Variants in BPTF observed in about 807,000 individuals in gnomAD.
BPTF encodes the protein bromodomain PHD finger transcription factor.
BPTF carries 18 observed loss-of-function variants against 292.5 expected under a neutral mutation model. The observed-to-expected ratio is 0.06, with a 90% CI of 0.04 to 0.09. The LOEUF is 0.09. Ranked by LOEUF, BPTF falls within the 10% of genes least tolerant of loss-of-function variation. The pLI is 1.00. For synonymous variants in BPTF, 1,225 were observed against 1,251.9 expected, an observed-to-expected ratio of 0.98 and a Z score of 0.45; for missense variants, 2,726 against 3,498.7, an observed-to-expected ratio of 0.78 and a Z score of 5.57.
intron 4 of BPTF, among the ~76,000 whole-genome samples, chr17:67,877,127 GTAGA>G (rs1372577679): frequency 1.3e-5 from 2 of 152,158 alleles, no homozygotes; most frequent in African/African-American, 4.8e-5. Flanking sequence ...CTTTTGTAAA[GTAGA>G]TAAACATTTT....
rs2062634482 is a variant in BPTF at position 67,911,275 on chromosome 17, G to C, written c.3391G>C (p.Asp1131His). ...RQEQSPNANN[D>H]QPEDLIQGCS... ...AGAACAGAGCCCAAATGCAAATAAT[G>C]ATCAACCTGAGGACTTGATTCAGGG... Residue 1131 changes from aspartate (D) to histidine (H), a missense_variant, in exon 11 of 28, where the codon GAT becomes CAT. Coordinates refer to ENST00000306378, the MANE Select transcript of BPTF (RefSeq NM_182641.4). The C allele has an allele frequency of 2.5e-6, 4 of 1,614,030 alleles. No homozygotes were observed. Among genetic ancestry groups the C allele is most frequent in the South Asian group, 1.1e-5 (1 of 91,072 alleles).
rs1175702525 is a variant in BPTF, at chr17:67,982,985, A to G, written c.*697A>G. On this transcript the variant is annotated 3_prime_UTR_variant, in exon 28 of 28. Coordinates refer to ENST00000306378, the MANE Select transcript of BPTF (RefSeq NM_182641.4). ...GACTACAGACTCTGTTGCCTTGAAT[A>G]TAACAGTACAATTTGTCAATTACTC... 3 of 152,384 alleles carry G rather than the reference A, an allele frequency of 2.0e-5. No individual in the cohort carries two copies. Among genetic ancestry groups the G allele is most frequent in the Non-Finnish European group, 2.9e-5 (2 of 68,036 alleles). The allele number at this position is 152,384 out of a possible 1,614,324, so 9.4% of individuals were successfully genotyped here.
At chr17:67,884,610 T>G (rs1332037813) in intron 4 of BPTF, among the ~76,000 whole-genome samples, 3 of 152,018 alleles carry the variant, frequency 2.0e-5, no homozygotes, top group African/African-American at 7.2e-5. Flanking sequence ...GTGATGGAGT[T>G]TCACCGTGTT....
At chr17:67,981,327 C>T (rs2070328723) in intron 27 of BPTF, 2 of 248,664 alleles carry the variant, frequency 8.0e-6, no homozygotes, top group Non-Finnish European at 1.4e-5. Flanking sequence ...ATTTCCTTTG[C>T]CATATTTTCC....
rs191074955 is a variant in BPTF at position 67,865,512 on chromosome 17, T to A, written c.1437-952T>A. On this transcript the variant is annotated intron_variant, in intron 2 of 27. Transcript: ENST00000306378. ...TTAGAGACTCAGAGAGGCTGTGTCT[T>A]GTCCATGTCCACATATCTTACAAGC... Among the ~76,000 whole-genome samples the A allele has an allele frequency of 7.3e-4, 111 of 152,328 alleles. 1 individual carries two copies. The East Asian group carries it at 0.012, about 16-fold the overall frequency.
intron 15 of BPTF, among the ~76,000 whole-genome samples, chr17:67,927,756 T>C (rs1021990532): frequency 6.6e-6 from 1 of 152,224 alleles, no homozygotes; most frequent in Non-Finnish European, 1.5e-5. Context: ...TAAAATTTTC[T>C]GCTATGAACA....
intron 27 of BPTF, among the ~76,000 whole-genome samples, chr17:67,976,716 T>TAAAAA (rs2069516914): frequency 7.8e-6 from 1 of 128,490 alleles, no homozygotes; most frequent in Non-Finnish European, 1.6e-5. Flanking sequence ...AAAAAAAAAA[T>TAAAAA]AAGAATAAAA....
At position 67,911,474 on chromosome 17, in the gene BPTF, C is replaced by G. The variant is rs201807939; in HGVS notation, c.3590C>G (p.Ala1197Gly). 1 of 1,613,978 alleles carries G rather than the reference C, an allele frequency of 6.2e-7. No homozygotes were observed. The highest frequency in any genetic ancestry group is 8.5e-7 in the Non-Finnish European group (1 of 1,179,982). ...NDIEEKVSDL[A>G]SRGQEPSKSK... is the part of the protein sequence containing the mutation. ...ATAGAAGAAAAAGTCTCTGACCTTG[C>G]CAGTAGAGGCCAGGAACCCAGTAAG... Residue 1197 changes from alanine to glycine, a missense_variant, in exon 11 of 28, where the codon GCC becomes GGC. By Grantham distance (60) the Ala-to-Gly change is moderately conservative. Around this residue, in one of 22 missense-constraint regions of BPTF, gnomAD observed 713 missense variants for 714.9 expected, o/e 1.00. Transcript: ENST00000306378.
intron 1 of BPTF, among the ~76,000 whole-genome samples, chr17:67,844,392 C>T (rs1359609377): frequency 1.6e-4 from 24 of 151,680 alleles, no homozygotes; most frequent in East Asian, 3.9e-4. Context: ...GGACTACAGG[C>T]GCCCGCCACC....
chr17:67,946,120 T>C lies in BPTF; in HGVS notation c.7412T>C (p.Leu2471Ser). 1 of 1,614,154 alleles carries C rather than the reference T, an allele frequency of 6.2e-7. No homozygotes were observed. Among genetic ancestry groups the C allele is most frequent in the South Asian group, 1.1e-5 (1 of 91,082 alleles). ...SGVPQQIKLQ[L>S]PIQIQQSSAV... The stretch of plus-strand genomic sequence containing the variant: ...GTGCCCCAGCAAATCAAACTCCAGT[T>C]ACCTATCCAAATTCAGCAAAGCAGT... The change falls in exon 21 of 28, where the codon TTA (leucine) becomes TCA (serine). Residue 2471 changes from leucine to serine, a missense_variant. Physicochemically the swap from Leu to Ser is moderately radical, Grantham distance 145. This residue lies in a region of BPTF where 570 missense variants were observed against 633.5 expected (regional missense o/e 0.90). Transcript: ENST00000306378.
Position 67,826,289 on chromosome 17 carries a change from T to C in BPTF, c.565T>C (p.Cys189Arg). The change falls in exon 1 of 28, where the codon TGC (cysteine) becomes CGC (arginine). Residue 189 changes from cysteine (C) to arginine (R), a missense_variant. Cys to Arg is a radical substitution (Grantham distance 180). Around this residue, in one of 22 missense-constraint regions of BPTF, gnomAD observed 153 missense variants for 178.3 expected, o/e 0.86. Coordinates refer to ENST00000306378, the MANE Select transcript of BPTF (RefSeq NM_182641.4). Reference protein sequence around the residue: ...MEDDDDDASYCTESSFRSHST... With the variant: ...MEDDDDDASYRTESSFRSHST... ...AGACGACGACGACGACGCCAGTTAC[T>C]GCACGGAAAGCAGCTTCAGGAGCCA... The C allele has an allele frequency of 6.2e-7, 1 of 1,613,090 alleles. No homozygotes were observed. The highest frequency in any genetic ancestry group is 8.5e-7 in the Non-Finnish European group (1 of 1,179,840).
chr17:67,909,701 G>A lies in BPTF; in HGVS notation c.2932G>A (p.Ala978Thr). ...AGATGAGGTAAAAGGTTCAGATGCT[G>A]CAAAAGGAGCAGACCAAAATGAAAT... is the stretch of plus-strand genomic sequence containing the variant. ...EKDEVKGSDA[A>T]KGADQNEMDI... The change falls in exon 10 of 28, where the codon GCA becomes ACA. Residue 978 changes from alanine (A) to threonine (T), a missense_variant. Ala to Thr is a moderately conservative substitution (Grantham distance 58). This residue lies in a region of BPTF where 713 missense variants were observed against 714.9 expected (regional missense o/e 1.00). Transcript: ENST00000306378. 6.3e-7 allele frequency: 1 copy of A among 1,597,982 alleles called. No individual in the cohort carries two copies. Among genetic ancestry groups the A allele is most frequent in the Non-Finnish European group, 8.5e-7 (1 of 1,174,756 alleles).
chr17:67,918,977 C>T, intron 12 of BPTF, 139 bp downstream of exon 12: 2 of 815,200 alleles, frequency 2.5e-6, no homozygotes, highest in Non-Finnish European at 3.6e-6. Context: ...TCCTGACCAT[C>T]CTGGCTAACA....
intron 7 of BPTF, among the ~76,000 whole-genome samples, chr17:67,902,648 C>A (rs954318978): frequency 6.6e-6 from 1 of 152,078 alleles, no homozygotes; most frequent in South Asian, 2.1e-4. Context: ...AGACTGTATT[C>A]TGGGAACCTA....
Position 67,910,999 on chromosome 17 carries a change from G to A in BPTF, c.3115G>A (p.Val1039Ile), listed in dbSNP as rs746587632. Residue 1039 changes from valine (V) to isoleucine (I), a missense_variant, in exon 11 of 28, where the codon GTC (valine) becomes ATC (isoleucine). Val to Ile is a conservative substitution (Grantham distance 29). Around this residue, in one of 22 missense-constraint regions of BPTF, gnomAD observed 713 missense variants for 714.9 expected, o/e 1.00. Coordinates refer to ENST00000306378, the MANE Select transcript of BPTF (RefSeq NM_182641.4). The stretch of plus-strand genomic sequence containing the variant: ...TCAGGAGAGTTCTCAAGTAGATGTG[G>A]TCAATGTTAGTGAGGGTTTTCATCT... ...NCQESSQVDV[V>I]NVSEGFHLRT... The A allele has an allele frequency of 3.7e-6, 6 of 1,613,674 alleles. No individual in the cohort carries two copies. In the African/African-American group the frequency reaches 8.0e-5, roughly 22 times the overall value.
chr17:67,868,779 G>A (rs2059536247), intron 3 of BPTF, among the ~76,000 whole-genome samples: 1 of 152,078 alleles, frequency 6.6e-6, no homozygotes, highest in African/African-American at 2.4e-5. Flanking sequence ...ATCCAACCTT[G>A]TTCTCACATA....
intron 7 of BPTF, among the ~76,000 whole-genome samples, chr17:67,898,475 C>G (rs1246840678): frequency 6.6e-6 from 1 of 151,874 alleles, no homozygotes; most frequent in Non-Finnish European, 1.5e-5. Context: ...AATTTTTTTA[C>G]ATTTTTAATT....
intron 4 of BPTF, 76 bp downstream of exon 4, chr17:67,875,096 G>C: frequency 7.7e-7 from 1 of 1,306,142 alleles, no homozygotes; most frequent in Non-Finnish European, 1.1e-6. Context: ...CTTGCAAAAT[G>C]AAAGTGAAAT....
Position 67,913,018 on chromosome 17 carries a change from G to A in BPTF, c.5134G>A (p.Val1712Ile), listed in dbSNP as rs774916814. ...AGCTCTGCCATCCTATAGAAAATTT[G>A]TTACCAAGAGCAGCAAGAAGAGCAT... ...GTALPSYRKF[V>I]TKSSKKSIFV... The change falls in exon 11 of 28, where the codon GTT becomes ATT. Residue 1712 changes from valine (V) to isoleucine (I), a missense_variant. Coordinates refer to ENST00000306378, the MANE Select transcript of BPTF (RefSeq NM_182641.4). 2 of 1,614,130 alleles carry A rather than the reference G, an allele frequency of 1.2e-6. No homozygotes were observed. Among genetic ancestry groups the A allele is most frequent in the South Asian group, 2.2e-5 (2 of 91,060 alleles).
Sources: allele counts gnomAD v4.1 joint callset (sites outside exome capture counted in the v4.1 genomes callset), GRCh38; gene constraint gnomAD v4.1.1; regional missense constraint gnomAD v4.1.1; transcripts MANE v1.5; gene names NCBI Gene and HGNC (gene_info 2026-07-23, HGNC 2026-07-21).